Variants in DSTN observed in about 807,000 individuals in gnomAD.
DSTN encodes destrin, actin depolymerizing factor, also known as destrin.
DSTN carries 10 observed loss-of-function variants against 16.8 expected under a neutral mutation model. That is an observed-to-expected ratio of 0.60 (90% confidence interval 0.37 to 1.01). DSTN has a LOEUF of 1.01. Among genes scored for constraint, DSTN ranks in the 50% least tolerant of loss-of-function variants. The pLI, the probability that DSTN is intolerant of heterozygous loss-of-function variation, is 0.01. For synonymous variants in DSTN, 57 were observed against 58.9 expected (o/e 0.97, Z 0.14); for missense variants, 141 against 196.7 (o/e 0.72, Z 1.69).
At chr20:17,606,240 T>C (rs949617058) in intron 3 of DSTN, among the ~76,000 whole-genome samples, 15 of 152,348 alleles carry the variant, frequency 9.8e-5, no homozygotes, top group African/African-American at 3.6e-4. Context: ...ATAATGGTCT[T>C]TAAATGATGG....
At chr20:17,589,347 A>G (rs2035445795) in intron 1 of DSTN, among the ~76,000 whole-genome samples, 1 of 151,874 alleles carries the variant, frequency 6.6e-6, no homozygotes, top group Middle Eastern at 3.2e-3. Context: ...AGTAGCTGGG[A>G]TTACAGGCAC....
chr20:17,604,720 TGCAGAGCTTCGG>T, intron 3 of DSTN, 89 bp downstream of exon 3: 1 of 1,276,608 alleles, frequency 7.8e-7, no homozygotes, highest in East Asian at 2.4e-5. Flanking sequence ...CTTATTTTTT[TGCAGAGCTTCGG>T]GCACAAGGGA....
Position 17,570,214 on chromosome 20 carries a change from G to C in DSTN, c.3+3G>C. The C allele has an allele frequency of 6.6e-7, 1 of 1,512,776 alleles. No individual in the cohort carries two copies. Among genetic ancestry groups the C allele is most frequent in the Non-Finnish European group, 8.8e-7 (1 of 1,134,610 alleles). 93.7% of individuals were successfully genotyped at this position (1,512,776 alleles called of 1,614,324 possible). On this transcript the variant is annotated splice_donor_region_variant and intron_variant, in intron 1 of 3. Coordinates refer to ENST00000246069, the MANE Select transcript of DSTN (RefSeq NM_006870.4). ...CTGCGACCGCCGCGGCGAAGATGGT[G>C]AGTAGGAGGGAGGCCGAGGCGTGGG... is the stretch of plus-strand genomic sequence containing the variant.
In DSTN at chr20:17,570,229, C is replaced by A; in HGVS notation, c.3+18C>A. ...CGAAGATGGTGAGTAGGAGGGAGGC[C>A]GAGGCGTGGGCCGAGGCGGCCGGGA... is the stretch of plus-strand genomic sequence containing the variant. On this transcript the variant is annotated intron_variant, in intron 1 of 3. Coordinates refer to ENST00000246069, the MANE Select transcript of DSTN (RefSeq NM_006870.4). The A allele has an allele frequency of 6.6e-7, 1 of 1,504,044 alleles. No individual in the cohort carries two copies. The highest frequency in any genetic ancestry group is 8.8e-7 in the Non-Finnish European group (1 of 1,130,280). The allele number at this position is 1,504,044 out of a possible 1,614,324, so 93.2% of individuals were successfully genotyped here. A position where few individuals can be genotyped will look rare whatever the true frequency, so the allele number is the denominator to read the frequency against.
At chr20:17,582,599 G>C (rs118028669) in intron 1 of DSTN, among the ~76,000 whole-genome samples, 6,041 of 152,192 alleles carry the variant, frequency 0.04, 159 homozygotes, top group Middle Eastern at 0.082. Context: ...AATTCAGTTG[G>C]GGGGAGAATA....
intron 1 of DSTN, chr20:17,576,525 A>T (rs918803879): frequency 1.3e-5 from 2 of 153,510 alleles, no homozygotes; most frequent in African/African-American, 4.8e-5. Context: ...TAGATTTTTT[A>T]AAAGCAATTG....
intron 1 of DSTN, among the ~76,000 whole-genome samples, chr20:17,571,307 C>T (rs2035204255): frequency 6.6e-6 from 1 of 152,170 alleles, no homozygotes; most frequent in African/African-American, 2.4e-5. Flanking sequence ...GCAGTTGGTA[C>T]CAGCTTATCT....
rs1453548759 is a variant in DSTN at position 17,608,974 on chromosome 20, G to T, written c.*1828G>T. On this transcript the variant is annotated 3_prime_UTR_variant, in exon 4 of 4. Coordinates refer to ENST00000246069, the MANE Select transcript of DSTN (RefSeq NM_006870.4). ...TAGTAACGTGCTGTCCAGGTTTGTG[G>T]TCTAGGAGTAATAGGCTCTACCATA... is the stretch of plus-strand genomic sequence containing the variant. 6.6e-6 allele frequency: 1 copy of T among 152,300 alleles called. No individual in the cohort carries two copies. The highest frequency in any genetic ancestry group is 2.1e-4 in the South Asian group (1 of 4,816). The allele number at this position is 152,300 out of a possible 1,614,324, so 9.4% of individuals were successfully genotyped here.
chr20:17,580,752 A>C (rs1346730814), intron 1 of DSTN, among the ~76,000 whole-genome samples: 1 of 152,072 alleles, frequency 6.6e-6, no homozygotes, highest in East Asian at 1.9e-4. Flanking sequence ...CCGTCTCAAA[A>C]AAAAAAAAAA....
rs1467294331 is a variant in DSTN at position 17,609,904 on chromosome 20, A to G, written c.*2758A>G. ...CCCTGACAAAGCAGCAAATAAAGCC[A>G]TTGCTAACAATTCAATCAGAGCTTG... On this transcript the variant is annotated 3_prime_UTR_variant, in exon 4 of 4. Coordinates refer to ENST00000246069, the MANE Select transcript of DSTN (RefSeq NM_006870.4). 3 of 152,260 alleles carry G rather than the reference A, an allele frequency of 2.0e-5. No homozygotes were observed. The highest frequency in any genetic ancestry group is 4.4e-5 in the Non-Finnish European group (3 of 68,042). The allele number at this position is 152,260 out of a possible 1,614,324, so 9.4% of individuals were successfully genotyped here. A position where few individuals can be genotyped will look rare whatever the true frequency, so the allele number is the denominator to read the frequency against.
intron 1 of DSTN, among the ~76,000 whole-genome samples, chr20:17,582,568 G>A (rs763222352): frequency 6.6e-6 from 1 of 152,200 alleles, no homozygotes; most frequent in Non-Finnish European, 1.5e-5. Flanking sequence ...CCATTTCCCA[G>A]TGTGACGTGA....
intron 1 of DSTN, among the ~76,000 whole-genome samples, chr20:17,585,923 C>T (rs1349957929): frequency 2.6e-5 from 4 of 152,062 alleles, no homozygotes; most frequent in African/African-American, 4.8e-5. Flanking sequence ...TTATTCCATT[C>T]CCCAGTGGAG....
chr20:17,573,888 T>A (rs2035236355), intron 1 of DSTN, among the ~76,000 whole-genome samples: 3 of 128,254 alleles, frequency 2.3e-5, no homozygotes, highest in African/African-American at 8.3e-5. Flanking sequence ...ATAAAGTAAA[T>A]GTAGCAGTAA....
chr20:17,589,973 C>G (rs1021488522), intron 1 of DSTN, among the ~76,000 whole-genome samples: 2 of 152,090 alleles, frequency 1.3e-5, no homozygotes, highest in African/African-American at 2.4e-5. Flanking sequence ...GTTTAGTTGT[C>G]ATTAATTATG....
chr20:17,596,766 C>T, intron 1 of DSTN: 1 of 984,962 alleles, frequency 1.0e-6, no homozygotes. Context: ...CAAAATTCTT[C>T]CTTACTGAGG....
intron 1 of DSTN, among the ~76,000 whole-genome samples, chr20:17,592,604 C>T (rs547882568): frequency 6.6e-6 from 1 of 151,502 alleles, no homozygotes; most frequent in East Asian, 1.9e-4. Context: ...ATTATTTTTG[C>T]AGGCAAAATT....
chr20:17,601,086 T>C (rs746571714), intron 2 of DSTN, 41 bp downstream of exon 2: 3 of 1,537,862 alleles, frequency 2.0e-6, no homozygotes, highest in Non-Finnish European at 2.6e-6. Flanking sequence ...AAAACTCATT[T>C]TGTTAGCACT....
chr20:17,600,941 G>A lies in DSTN; in HGVS notation c.207G>A (p.Lys69=). The A allele has an allele frequency of 1.9e-6, 3 of 1,614,048 alleles. No homozygotes were observed. Among genetic ancestry groups the A allele is most frequent in the Non-Finnish European group, 2.5e-6 (3 of 1,179,976 alleles). The change falls in exon 2 of 4, where the codon AAG becomes AAA. Residue 69 remains lysine, a synonymous_variant. Coordinates refer to ENST00000246069, the MANE Select transcript of DSTN (RefSeq NM_006870.4). ...GTGTAACCATAACTGATCCTTTCAA[G>A]CATTTTGTGGGAATGCTTCCTGAAA... The part of the protein sequence containing the change: ...DVGVTITDPF[K]HFVGMLPEKD...
intron 2 of DSTN, among the ~76,000 whole-genome samples, chr20:17,603,487 G>C (rs755272186): frequency 1.3e-5 from 2 of 152,180 alleles, no homozygotes; most frequent in African/African-American, 2.4e-5. Flanking sequence ...ACAATGTTAA[G>C]TGTGGACTTA....
Sources: allele counts gnomAD v4.1 joint callset (sites outside exome capture counted in the v4.1 genomes callset), GRCh38; gene constraint gnomAD v4.1.1; transcripts MANE v1.5; gene names NCBI Gene and HGNC (gene_info 2026-07-23, HGNC 2026-07-21).